GLRA1: variants seen among roughly 807,000 people sequenced by gnomAD.
GLRA1 encodes glycine receptor alpha 1.
GLRA1 carries 37 observed loss-of-function variants against 48.3 expected under a neutral mutation model. That is an observed-to-expected ratio of 0.77 (90% confidence interval 0.59 to 1.01). GLRA1 has a LOEUF of 1.01. GLRA1 is among the 50% of genes least tolerant of loss of function. The pLI is 0.00. For synonymous variants in GLRA1, 196 were observed against 210.7 expected, an observed-to-expected ratio of 0.93 and a Z score of 0.60; for missense variants, 427 against 571.0, an observed-to-expected ratio of 0.75 and a Z score of 2.57.
rs199505206 is a variant in GLRA1, at chr5:151,827,029, GTT to G, written c.1059+1890_1059+1891del. On this transcript the variant is annotated intron_variant, in intron 8 of 8. Coordinates refer to ENST00000274576, the MANE Select transcript of GLRA1 (RefSeq NM_000171.4). ...TTGGTCAGTTTCTTTCTTTCTTTCT[GTT>G]TTTTTTTTTTTTTTTGAGACAAAGT... is the stretch of plus-strand genomic sequence containing the variant. Among the ~76,000 whole-genome samples, 48 of 126,772 alleles carry G rather than the reference GTT, an allele frequency of 3.8e-4. No homozygotes were observed. The Middle Eastern group carries it at 0.013, about 34-fold the overall frequency. The allele number at this position is 126,772 out of a possible 152,430, so 83.2% of individuals were successfully genotyped here.
At chr5:151,892,283 G>T in intron 2 of GLRA1, 28 bp downstream of exon 2, 1 of 1,610,350 alleles carries the variant, frequency 6.2e-7, no homozygotes. Context: ...GCATTTCCCT[G>T]TGGGTCTGGA....
At chr5:151,886,859 A>G in intron 2 of GLRA1, 71 bp from the exon 3 acceptor site, 1 of 1,086,728 alleles carries the variant, frequency 9.2e-7, no homozygotes, top group Non-Finnish European at 1.4e-6. Flanking sequence ...ACTCATTCCC[A>G]GAACACTGAC....
At chr5:151,907,477 A>G (rs1754504202) in intron 1 of GLRA1, among the ~76,000 whole-genome samples, 1 of 152,220 alleles carries the variant, frequency 6.6e-6, no homozygotes, top group Non-Finnish European at 1.5e-5. Context: ...GGAATAAACA[A>G]AAGGAAGAAT....
At chr5:151,834,056 T>C (rs1763499438) in intron 7 of GLRA1, among the ~76,000 whole-genome samples, 1 of 152,022 alleles carries the variant, frequency 6.6e-6, no homozygotes, top group African/African-American at 2.4e-5. Flanking sequence ...CTGAAAATAA[T>C]ATTAGATCAA....
chr5:151,853,619 G>A (rs1319884846), intron 6 of GLRA1, among the ~76,000 whole-genome samples: 1 of 151,880 alleles, frequency 6.6e-6, no homozygotes, highest in Non-Finnish European at 1.5e-5. Context: ...GACCCCATCA[G>A]ATTTATGATT....
intron 1 of GLRA1, among the ~76,000 whole-genome samples, chr5:151,911,911 A>C (rs913569727): frequency 5.3e-5 from 8 of 152,124 alleles, no homozygotes; most frequent in African/African-American, 1.9e-4. Flanking sequence ...CCCGGCCCCA[A>C]GCTAGAGTTT....
chr5:151,848,855 G>A (rs1293751003), intron 7 of GLRA1: 8 of 584,212 alleles, frequency 1.4e-5, no homozygotes, highest in Admixed American at 1.2e-4. Context: ...TTACCCGCCC[G>A]CCTGCTCAGC....
chr5:151,841,727 A>G (rs973279927), intron 7 of GLRA1, among the ~76,000 whole-genome samples: 2 of 152,188 alleles, frequency 1.3e-5, no homozygotes, highest in Admixed American at 1.3e-4. Context: ...GATAACCTAA[A>G]TGAGGTGGAC....
At chr5:151,861,201 C>G (rs1238472835) in intron 3 of GLRA1, among the ~76,000 whole-genome samples, 1 of 152,126 alleles carries the variant, frequency 6.6e-6, no homozygotes, top group East Asian at 1.9e-4. Context: ...GTGCATGTGT[C>G]TTTATAGCAG....
chr5:151,853,635 G>A (rs1415219228), intron 6 of GLRA1, among the ~76,000 whole-genome samples: 1 of 152,012 alleles, frequency 6.6e-6, no homozygotes, highest in East Asian at 1.9e-4. Context: ...TGATTTGCAA[G>A]TATTTTCTCC....
intron 3 of GLRA1, among the ~76,000 whole-genome samples, chr5:151,867,917 G>A (rs1561563670): frequency 1.3e-5 from 2 of 152,206 alleles, no homozygotes; most frequent in Admixed American, 6.5e-5. Flanking sequence ...TAATGTCACA[G>A]TTTGATTTCA....
Position 151,849,495 on chromosome 5 carries a change from T to C in GLRA1, c.912+1895A>G, listed in dbSNP as rs867808250. Among the ~76,000 whole-genome samples, 146 of 84,992 alleles carry C rather than the reference T, an allele frequency of 1.7e-3. 19 individuals carry two copies. The highest frequency in any genetic ancestry group is 4.3e-3 in the East Asian group (14 of 3,222). The allele number at this position is 84,992 out of a possible 152,430, so 55.8% of individuals were successfully genotyped here. On this transcript the variant is annotated intron_variant, in intron 7 of 8. Coordinates refer to ENST00000274576, the MANE Select transcript of GLRA1 (RefSeq NM_000171.4). ...TCCTTCCTTCCTTCCTTCCTTCCTT[T>C]CTTTTCTTTCTTTCTTTCTTTCTTT...
At chr5:151,883,084 A>G (rs1295835162) in intron 3 of GLRA1, among the ~76,000 whole-genome samples, 1 of 152,170 alleles carries the variant, frequency 6.6e-6, no homozygotes, top group Non-Finnish European at 1.5e-5. Flanking sequence ...GCCTGCTTGG[A>G]AATAGCACCT....
intron 1 of GLRA1, among the ~76,000 whole-genome samples, chr5:151,895,940 G>A (rs894591446): frequency 2.0e-5 from 3 of 152,020 alleles, no homozygotes; most frequent in African/African-American, 7.3e-5. Flanking sequence ...ATAAGCTCCC[G>A]TACTCTCTCC....
At chr5:151,873,025 A>G (rs1753527502) in intron 3 of GLRA1, among the ~76,000 whole-genome samples, 1 of 149,826 alleles carries the variant, frequency 6.7e-6, no homozygotes, top group Non-Finnish European at 1.5e-5. Context: ...AGGGGAGGGC[A>G]AAGCAGGGGC....
intron 7 of GLRA1, among the ~76,000 whole-genome samples, chr5:151,830,382 A>C (rs576418595): frequency 6.6e-6 from 1 of 152,366 alleles, no homozygotes; most frequent in Admixed American, 6.5e-5. Flanking sequence ...ATAATAGGTT[A>C]ATCAAAAAGC....
chr5:151,854,980 G>C (rs1164421643), intron 6 of GLRA1, 60 bp downstream of exon 6: 2 of 1,544,812 alleles, frequency 1.3e-6, no homozygotes, highest in Non-Finnish European at 1.8e-6. Context: ...GAATGTGTCT[G>C]AAATGACCTC....
intron 7 of GLRA1, among the ~76,000 whole-genome samples, chr5:151,846,476 G>A (rs1264894622): frequency 2.6e-5 from 4 of 152,240 alleles, no homozygotes; most frequent in Non-Finnish European, 5.9e-5. Context: ...AGTGATCAGA[G>A]AATGTGGATT....
chr5:151,858,773 GA>G (rs33988190), intron 4 of GLRA1, among the ~76,000 whole-genome samples: 66,493 of 149,622 alleles, frequency 0.44, 14,900 homozygotes, highest in African/African-American at 0.54. Flanking sequence ...TCACCCAAAG[GA>G]AAAAAAAAAC....
Sources: gnomAD v4.1 joint callset for allele counts (sites outside exome capture counted in the v4.1 genomes callset) on GRCh38, gnomAD v4.1.1 for gene constraint, MANE v1.5 for transcripts, NCBI Gene and HGNC (gene_info 2026-07-23, HGNC 2026-07-21) for gene names.